Variants in HHLA2 observed in about 807,000 individuals in gnomAD.
HHLA2 encodes the protein HERV-H LTR-associating protein 2.
Under a neutral mutation model 45.9 loss-of-function variants are expected in HHLA2, and 48 were observed. That is an observed-to-expected ratio of 1.05 (90% confidence interval 0.83 to 1.33). HHLA2 has a LOEUF of 1.33. Ranked by LOEUF, HHLA2 falls within the 40% of genes most tolerant of loss-of-function variation. HHLA2 has a pLI of 0.00. For missense variants in HHLA2, 462 were observed against 494.3 expected, an observed-to-expected ratio of 0.93 and a Z score of 0.62; for synonymous variants, 161 against 173.9, an observed-to-expected ratio of 0.93 and a Z score of 0.59.
chr3:108,371,890 C>A (rs1312854760), intron 8 of HHLA2, among the ~76,000 whole-genome samples: 4 of 152,100 alleles, frequency 2.6e-5, no homozygotes, highest in Non-Finnish European at 5.9e-5. Flanking sequence ...GACTTTAACA[C>A]CCCACTGTCA....
intron 3 of HHLA2, among the ~76,000 whole-genome samples, chr3:108,333,884 A>G (rs80306485): frequency 0.064 from 9,790 of 152,140 alleles, 515 homozygotes; most frequent in East Asian, 0.3. Flanking sequence ...TTTTGGCTCA[A>G]AAGATTGTAA....
intron 3 of HHLA2, among the ~76,000 whole-genome samples, chr3:108,329,625 C>A (rs1261760163): frequency 2.6e-5 from 4 of 152,148 alleles, no homozygotes; most frequent in Non-Finnish European, 5.9e-5. Flanking sequence ...CACTAATTCA[C>A]AACTGACTGG....
exon 6 of HHLA2, chr3:108,355,184 G>A: frequency 1.2e-6 from 2 of 1,613,750 alleles, no homozygotes; most frequent in South Asian, 2.2e-5. Context: ...AGCGTGTTAA[G>A]TGTTTATCCT....
intron 3 of HHLA2, among the ~76,000 whole-genome samples, chr3:108,337,714 C>A (rs905677652): frequency 1.3e-5 from 2 of 152,110 alleles, no homozygotes; most frequent in African/African-American, 4.8e-5. Flanking sequence ...TTGATTGGAA[C>A]TGAGTCACTG....
intron 3 of HHLA2, among the ~76,000 whole-genome samples, chr3:108,338,388 T>C (rs1193044993): frequency 6.6e-6 from 1 of 152,090 alleles, no homozygotes; most frequent in African/African-American, 2.4e-5. Context: ...TTACATAGAA[T>C]AGCAGGTTAC....
At chr3:108,327,348 G>A (rs751026087) in intron 2 of HHLA2, among the ~76,000 whole-genome samples, 2 of 152,160 alleles carry the variant, frequency 1.3e-5, no homozygotes, top group African/African-American at 2.4e-5. Context: ...TCTTGAATCT[G>A]TGAATTAATG....
chr3:108,376,641 A>C, intron 10 of HHLA2, 84 bp downstream of exon 9: 1 of 1,198,172 alleles, frequency 8.3e-7, no homozygotes, highest in Non-Finnish European at 1.2e-6. Context: ...ACTGATTCAC[A>C]TATCATCAAG....
At position 108,376,538 on chromosome 3, in the gene HHLA2, A is replaced by T. The variant is rs1460892292; in HGVS notation, c.1205A>T (p.Asp402Val). Residue 402 changes from aspartate (D) to valine (V), a missense_variant, in exon 10 of 11, where the codon GAT (aspartate) becomes GTT (valine). Asp to Val is a radical substitution (Grantham distance 152). Coordinates refer to ENST00000619531, the Ensembl canonical transcript of HHLA2. Reference sequence around the variant, plus strand: ...GGTGAGCGCTGTCCCAGTGCACCCGATAATGGCGAAGAAAATGTGGTAAGG... The same window carrying T: ...GGTGAGCGCTGTCCCAGTGCACCCGTTAATGGCGAAGAAAATGTGGTAAGG... 4 of 1,612,578 alleles carry T rather than the reference A, an allele frequency of 2.5e-6. No homozygotes were observed. The Admixed American group carries it at 6.7e-5, about 27-fold the overall frequency.
exon 11 of HHLA2, chr3:108,378,070 T>C (rs1260010611): frequency 6.6e-6 from 1 of 152,116 alleles, no homozygotes; most frequent in African/African-American, 2.4e-5. Flanking sequence ...TACTTTGTAA[T>C]CTTCCCCACC....
chr3:108,339,910 T>C (rs1270506548), intron 3 of HHLA2, among the ~76,000 whole-genome samples: 2 of 152,164 alleles, frequency 1.3e-5, no homozygotes, highest in African/African-American at 4.8e-5. Flanking sequence ...AAAAATAGTT[T>C]CAGGATTGGT....
At chr3:108,349,610 T>C (rs879522135) in intron 3 of HHLA2, among the ~76,000 whole-genome samples, 2 of 151,986 alleles carry the variant, frequency 1.3e-5, no homozygotes, top group African/African-American at 2.4e-5. Context: ...TTCCAAACAA[T>C]AGAAAAAGAG....
chr3:108,331,956 A>G (rs909803614), intron 3 of HHLA2, among the ~76,000 whole-genome samples: 1 of 152,144 alleles, frequency 6.6e-6, no homozygotes, highest in Non-Finnish European at 1.5e-5. Context: ...TGACTGGTAC[A>G]AGCAAGATGG....
exon 8 of HHLA2, chr3:108,362,380 T>A (rs1333429243): frequency 6.2e-7 from 1 of 1,612,958 alleles, no homozygotes; most frequent in Admixed American, 1.7e-5. Context: ...CAAAGGCTTA[T>A]GGATTTTGGT....
intron 8 of HHLA2, among the ~76,000 whole-genome samples, chr3:108,372,883 G>C (rs553787350): frequency 5.3e-5 from 8 of 152,156 alleles, no homozygotes; most frequent in South Asian, 4.1e-4. Flanking sequence ...ATTCACAGCC[G>C]AATTCTACCA....
At chr3:108,321,907 G>A (rs1371273024) in intron 2 of HHLA2, among the ~76,000 whole-genome samples, 1 of 152,056 alleles carries the variant, frequency 6.6e-6, no homozygotes, top group Non-Finnish European at 1.5e-5. Context: ...ATTCCAAGAT[G>A]TCTTTTCTGT....
intron 3 of HHLA2, among the ~76,000 whole-genome samples, chr3:108,334,968 C>T (rs1353714616): frequency 1.3e-5 from 2 of 152,174 alleles, no homozygotes; most frequent in Non-Finnish European, 2.9e-5. Context: ...ATGTTGTCCC[C>T]TCATTGGAGC....
intron 6 of HHLA2, among the ~76,000 whole-genome samples, chr3:108,355,965 CA>C (rs1301739152): frequency 6.6e-6 from 1 of 151,636 alleles, no homozygotes; most frequent in Non-Finnish European, 1.5e-5. Context: ...TCTCTATATC[CA>C]AAACCTGTTT....
chr3:108,334,393 G>A lies in HHLA2; in HGVS notation c.-27+6046G>A, dbSNP rs148534877. 9.2e-5 allele frequency among the ~76,000 whole-genome samples: 14 copies of A among 152,302 alleles called. No homozygotes were observed. In the East Asian group the frequency reaches 1.2e-3, roughly 13 times the overall value. The stretch of plus-strand genomic sequence containing the variant: ...GAGAAACTAGATGGGAATAAGGTAC[G>A]AGTATCTGCATGTATATCGTTCAGT... On this transcript the variant is annotated intron_variant, in intron 3 of 10. Transcript: ENST00000619531.
chr3:108,315,365 G>A (rs1394443547), intron 2 of HHLA2, among the ~76,000 whole-genome samples: 2 of 152,118 alleles, frequency 1.3e-5, no homozygotes, highest in African/African-American at 2.4e-5. Context: ...TAGCTTAAAC[G>A]TGTGTCCAGG....
Sources: allele counts gnomAD v4.1 joint callset (sites outside exome capture counted in the v4.1 genomes callset), GRCh38; gene constraint gnomAD v4.1.1; transcripts MANE v1.5; gene names NCBI Gene and HGNC (gene_info 2026-07-23, HGNC 2026-07-21).